Variants in CLPB observed in about 807,000 individuals in gnomAD.
The protein encoded by CLPB is mitochondrial disaggregase.
A neutral mutation model predicts 78.4 loss-of-function variants in CLPB; 40 were observed. That is an observed-to-expected ratio of 0.51 (90% confidence interval 0.40 to 0.66). The LOEUF (loss-of-function observed/expected upper bound fraction) is 0.66, where lower values mean the gene tolerates loss of function less well. Among genes scored for constraint, CLPB ranks in the 30% least tolerant of loss-of-function variants. The probability of loss-of-function intolerance (pLI) is 0.00; values close to 1 mark genes in which losing one functional copy is unlikely to be tolerated. For synonymous variants in CLPB, 333 were observed against 348.0 expected, an observed-to-expected ratio of 0.96 and a Z score of 0.48; for missense variants, 780 against 886.9, an observed-to-expected ratio of 0.88 and a Z score of 1.53.
chr11:72,317,696 A>G (rs79022503), intron 6 of CLPB, among the ~76,000 whole-genome samples: 2,756 of 152,350 alleles, frequency 0.018, 82 homozygotes, highest in African/African-American at 0.064. Context: ...AAAGAGAGCT[A>G]TGAACACCCT....
chr11:72,368,649 C>T (rs1348968781), intron 4 of CLPB, among the ~76,000 whole-genome samples: 1 of 152,196 alleles, frequency 6.6e-6, no homozygotes, highest in African/African-American at 2.4e-5. Flanking sequence ...CAGATTGTTT[C>T]ATGTATATTC....
rs1468303521 is a variant in CLPB at position 72,329,641 on chromosome 11, T to G, written c.873+66A>C. On this transcript the variant is annotated intron_variant, in intron 6 of 15. Coordinates refer to ENST00000538039, the MANE Select transcript of CLPB (RefSeq NM_001258392.3). ...CCTTTGGTGTAAAGCCTGACATAAT[T>G]TAATGAGTGAAGGATTAAATGATGC... 2.5e-5 allele frequency: 27 copies of G among 1,059,746 alleles called. 1 individual carries two copies. In the East Asian group the frequency reaches 6.4e-4, roughly 25 times the overall value. The allele number at this position is 1,059,746 out of a possible 1,614,324, so 65.6% of individuals were successfully genotyped here.
At chr11:72,308,488 T>G in intron 8 of CLPB, 39 bp downstream of exon 8, 1 of 1,585,964 alleles carries the variant, frequency 6.3e-7, no homozygotes, top group African/African-American at 1.3e-5. Context: ...GGCACTACCC[T>G]AGCTCTCTGT....
chr11:72,377,201 T>C (rs908997944), intron 4 of CLPB, among the ~76,000 whole-genome samples: 3 of 152,176 alleles, frequency 2.0e-5, no homozygotes, highest in Non-Finnish European at 2.9e-5. Flanking sequence ...AGAATGAAGG[T>C]TGGTAGAATT....
chr11:72,379,450 T>G (rs770676700), intron 4 of CLPB, among the ~76,000 whole-genome samples: 28 of 152,154 alleles, frequency 1.8e-4, no homozygotes, highest in African/African-American at 2.4e-4. Flanking sequence ...AACCAGCTGT[T>G]TTTTTCAATC....
intron 3 of CLPB, among the ~76,000 whole-genome samples, chr11:72,385,817 G>A (rs1169813215): frequency 1.3e-5 from 2 of 152,126 alleles, no homozygotes; most frequent in African/African-American, 2.4e-5. Context: ...GCAAGACGCC[G>A]TCTCAAACAA....
chr11:72,297,682 T>C (rs1326300832), intron 11 of CLPB, among the ~76,000 whole-genome samples: 4 of 119,624 alleles, frequency 3.3e-5, no homozygotes, highest in Non-Finnish European at 4.9e-5. Context: ...TGTGTGTGTG[T>C]GTGTGTGTGT....
intron 2 of CLPB, among the ~76,000 whole-genome samples, chr11:72,424,622 G>T (rs551359339): frequency 2.6e-5 from 4 of 152,176 alleles, no homozygotes; most frequent in South Asian, 4.1e-4. Context: ...TACCCTGGGC[G>T]TGGTGGCTCA....
rs766521266 is a variant in CLPB at position 72,402,980 on chromosome 11, G to T, written c.528C>A (p.Ile176=). The T allele has an allele frequency of 2.5e-6, 4 of 1,613,894 alleles. No homozygotes were observed. The South Asian group carries it at 4.4e-5, about 18-fold the overall frequency. Residue 176 remains isoleucine, a synonymous_variant, in exon 3 of 16, where the codon ATC becomes ATA. Coordinates refer to ENST00000538039, the MANE Select transcript of CLPB (RefSeq NM_001258392.3). ...TGGTCTCTCACCTGTTGTTTCGGTTGATGGCTGCCACCATGAGTGCTGTCC... is the reference window on the plus strand; with the variant it reads ...TGGTCTCTCACCTGTTGTTTCGGTTTATGGCTGCCACCATGAGTGCTGTCC... The part of the protein sequence containing the change: ...LGWTALMVAA[I]NRNNSVVQVL...
At chr11:72,397,817 A>G (rs1855452932) in intron 3 of CLPB, among the ~76,000 whole-genome samples, 1 of 152,110 alleles carries the variant, frequency 6.6e-6, no homozygotes, top group Admixed American at 6.5e-5. Context: ...AAGTCTTACA[A>G]TTTTTCTTCT....
intron 6 of CLPB, among the ~76,000 whole-genome samples, chr11:72,322,292 C>T (rs1485758147): frequency 6.6e-6 from 1 of 152,086 alleles, no homozygotes; most frequent in Non-Finnish European, 1.5e-5. Context: ...TAAATCTGAT[C>T]ATGTCACTCC....
intron 6 of CLPB, among the ~76,000 whole-genome samples, chr11:72,325,225 C>T (rs1188599085): frequency 6.6e-6 from 1 of 152,126 alleles, no homozygotes; most frequent in Non-Finnish European, 1.5e-5. Context: ...ATGGTCCTGG[C>T]TTTAAGTATT....
At position 72,288,664 on chromosome 11, in the gene CLPB, A is replaced by G. The variant is rs116910697; in HGVS notation, c.*4703T>C. Reference sequence around the variant, plus strand: ...CACTTGCTGCAGGTCCCATCCACTCACCCAAGTATAATAATAAAGGAACAT... The same window carrying G: ...CACTTGCTGCAGGTCCCATCCACTCGCCCAAGTATAATAATAAAGGAACAT... On this transcript the variant is annotated 3_prime_UTR_variant, in exon 16 of 16. Coordinates refer to ENST00000538039, the MANE Select transcript of CLPB (RefSeq NM_001258392.3). The G allele has an allele frequency of 0.029, 4,357 of 152,250 alleles. 105 individuals are homozygous for G. Among genetic ancestry groups the G allele is most frequent in the Non-Finnish European group, 0.038 (2,599 of 68,044 alleles). 9.4% of individuals were successfully genotyped at this position (152,250 alleles called of 1,614,324 possible). A position where few individuals can be genotyped will look rare whatever the true frequency, so the allele number is the denominator to read the frequency against.
At chr11:72,357,797 T>G (rs1312827309) in intron 5 of CLPB, among the ~76,000 whole-genome samples, 2 of 150,914 alleles carry the variant, frequency 1.3e-5, no homozygotes, top group African/African-American at 4.9e-5. Context: ...AGCCAGCTGT[T>G]GGAGAGGGTT....
At chr11:72,430,508 C>T (rs1229650487) in intron 1 of CLPB, 145 bp from the exon 2 acceptor site, 8 of 646,618 alleles carry the variant, frequency 1.2e-5, no homozygotes, top group African/African-American at 1.1e-4. Flanking sequence ...TAATGAGAAA[C>T]GAATCATTCC....
At chr11:72,374,824 C>T (rs1185426459) in intron 4 of CLPB, among the ~76,000 whole-genome samples, 2 of 152,182 alleles carry the variant, frequency 1.3e-5, no homozygotes, top group Non-Finnish European at 2.9e-5. Context: ...GAGTAAAGGA[C>T]TTGTCCTCCT....
chr11:72,301,702 G>A (rs1043029760), intron 11 of CLPB, 101 bp downstream of exon 11: 11 of 1,307,390 alleles, frequency 8.4e-6, no homozygotes, highest in East Asian at 4.6e-5. Flanking sequence ...GCAGGAAGCC[G>A]AGGAATGACC....
At chr11:72,317,456 G>A (rs1590786835) in intron 6 of CLPB, among the ~76,000 whole-genome samples, 2 of 152,164 alleles carry the variant, frequency 1.3e-5, no homozygotes, top group South Asian at 4.1e-4. Context: ...CAGATTAACC[G>A]TGGCTCTGGA....
intron 3 of CLPB, 41 bp downstream of exon 3, chr11:72,402,925 G>C (rs1271250102): frequency 2.6e-6 from 4 of 1,552,932 alleles, no homozygotes; most frequent in Non-Finnish European, 2.7e-6. Flanking sequence ...AGTCTGCAGA[G>C]ATCTGCCTAA....
Sources: allele counts gnomAD v4.1 joint callset (sites outside exome capture counted in the v4.1 genomes callset), GRCh38; gene constraint gnomAD v4.1.1; transcripts MANE v1.5; gene names NCBI Gene and HGNC (gene_info 2026-07-23, HGNC 2026-07-21).